TENM2: variants seen among roughly 807,000 people sequenced by gnomAD.
TENM2 encodes the protein teneurin transmembrane protein 2.
Under a neutral mutation model 245.2 loss-of-function variants are expected in TENM2, and 52 were observed. The ratio of observed to expected loss-of-function variants is 0.21; its 90% confidence interval spans 0.17 to 0.27. The LOEUF is 0.27. Ranked by LOEUF, TENM2 falls within the 10% of genes least tolerant of loss-of-function variation. TENM2 has a pLI of 1.00. For missense variants in TENM2, 3,046 were observed against 3,666.8 expected (o/e 0.83, Z 4.37); for synonymous variants, 1,363 against 1,438.9 (o/e 0.95, Z 1.19).
chr5:167,816,624 C>T (rs761308888), intron 2 of TENM2, among the ~76,000 whole-genome samples: 2 of 152,174 alleles, frequency 1.3e-5, no homozygotes, highest in Non-Finnish European at 2.9e-5. Flanking sequence ...AACTTCACCT[C>T]AGCAGTGTGT....
intron 2 of TENM2, among the ~76,000 whole-genome samples, chr5:167,424,017 T>C (rs6892920): frequency 0.15 from 22,394 of 152,184 alleles, 1,953 homozygotes; most frequent in Non-Finnish European, 0.2. Context: ...TGGTTATAAA[T>C]TGTCAACTGA....
intron 2 of TENM2, among the ~76,000 whole-genome samples, chr5:167,589,161 C>T (rs1775706043): frequency 1.4e-5 from 2 of 147,384 alleles, no homozygotes; most frequent in African/African-American, 5.0e-5. Flanking sequence ...GAGATTGTGC[C>T]ATTGCATGCC....
intron 2 of TENM2, among the ~76,000 whole-genome samples, chr5:167,448,441 A>G (rs147913536): frequency 3.1e-3 from 465 of 151,548 alleles, no homozygotes; most frequent in African/African-American, 9.2e-3. Flanking sequence ...GGGAGAACAT[A>G]GCTTTTATTT....
At chr5:168,030,520 G>T (rs1475031663) in intron 5 of TENM2, among the ~76,000 whole-genome samples, 2 of 152,152 alleles carry the variant, frequency 1.3e-5, no homozygotes, top group Admixed American at 6.5e-5. Context: ...GTATGGCCCA[G>T]TAATTTCCAT....
At chr5:167,344,303 C>T (rs1455850719) in intron 1 of TENM2, among the ~76,000 whole-genome samples, 2 of 113,286 alleles carry the variant, frequency 1.8e-5, no homozygotes, top group African/African-American at 3.6e-5. Context: ...CACACACACA[C>T]ACACACATAT....
At chr5:167,199,285 T>C in the TENM2 span, among the ~76,000 whole-genome samples, 121 of 152,066 alleles carry the variant, frequency 8.0e-4, no homozygotes, top group Non-Finnish European at 1.5e-3. Context: ...GTACTTTCAG[T>C]AGCACAGAGA....
chr5:167,242,807 A>G, the TENM2 span, among the ~76,000 whole-genome samples: 2 of 152,206 alleles, frequency 1.3e-5, no homozygotes, highest in African/African-American at 2.4e-5. Flanking sequence ...TGGGGATTCA[A>G]AAGTAATACA....
intron 1 of TENM2, among the ~76,000 whole-genome samples, chr5:167,351,609 A>T (rs184631378): frequency 1.3e-5 from 2 of 152,202 alleles, no homozygotes; most frequent in Non-Finnish European, 2.9e-5. Flanking sequence ...AAAGCAGAAC[A>T]TATAGAGGTG....
intron 14 of TENM2, among the ~76,000 whole-genome samples, chr5:168,193,427 C>A (rs762396299): frequency 3.3e-5 from 5 of 152,054 alleles, no homozygotes; most frequent in Non-Finnish European, 4.4e-5. Context: ...CTAGATAATG[C>A]GATAATTGTT....
rs192457274 is a variant in TENM2, at chr5:167,818,886, C to T, written c.503-57100C>T. Among the ~76,000 whole-genome samples, 193 of 152,224 alleles carry T rather than the reference C, an allele frequency of 1.3e-3. 2 individuals are homozygous for T. Among genetic ancestry groups the T allele is most frequent in the African/African-American group, 4.0e-3 (165 of 41,558 alleles). On this transcript the variant is annotated intron_variant, in intron 2 of 28. Coordinates refer to ENST00000518659, the Ensembl canonical transcript of TENM2. ...TTCAAGCTGAGAGCACAGTTGTTTC[C>T]AGATGTGGCCAGGGCCTCCTTAAAG...
At chr5:167,146,475 A>G in the TENM2 span, among the ~76,000 whole-genome samples, 2 of 152,174 alleles carry the variant, frequency 1.3e-5, no homozygotes, top group South Asian at 2.1e-4. Context: ...AACAGTGTTC[A>G]TTCTGAGCCT....
At chr5:167,506,073 G>C (rs1038028228) in intron 2 of TENM2, among the ~76,000 whole-genome samples, 3 of 152,128 alleles carry the variant, frequency 2.0e-5, no homozygotes, top group Non-Finnish European at 4.4e-5. Flanking sequence ...GAATTAACCA[G>C]GAAGGAAATG....
chr5:167,499,940 G>A (rs1005356823), intron 2 of TENM2, among the ~76,000 whole-genome samples: 2 of 149,610 alleles, frequency 1.3e-5, no homozygotes, highest in African/African-American at 2.5e-5. Flanking sequence ...GTGTATGTGA[G>A]GGTGTGTGTG....
At chr5:167,962,909 T>C (rs553868946) in intron 4 of TENM2, among the ~76,000 whole-genome samples, 4 of 152,300 alleles carry the variant, frequency 2.6e-5, no homozygotes, top group African/African-American at 4.8e-5. Flanking sequence ...AACCGCATTG[T>C]TATTAGTTCA....
chr5:168,053,081 A>G (rs983186737), intron 6 of TENM2, among the ~76,000 whole-genome samples: 1 of 152,144 alleles, frequency 6.6e-6, no homozygotes, highest in Non-Finnish European at 1.5e-5. Flanking sequence ...GGGCTTTTCC[A>G]AAGTCGGTGA....
At chr5:167,913,913 G>A (rs1191390909) in intron 3 of TENM2, among the ~76,000 whole-genome samples, 5 of 152,240 alleles carry the variant, frequency 3.3e-5, no homozygotes, top group Non-Finnish European at 5.9e-5. Context: ...AGGTTGTTGC[G>A]AGGATTAGAA....
At chr5:168,191,313 A>G (rs562647513) in intron 14 of TENM2, among the ~76,000 whole-genome samples, 1 of 152,224 alleles carries the variant, frequency 6.6e-6, no homozygotes, top group Admixed American at 6.5e-5. Context: ...CCACCACCCC[A>G]TCCCCTCCTC....
intron 2 of TENM2, among the ~76,000 whole-genome samples, chr5:167,769,947 C>T (rs1763294476): frequency 6.6e-6 from 1 of 152,136 alleles, no homozygotes; most frequent in Admixed American, 6.5e-5. Context: ...TTGTTGTTCA[C>T]TAAATTCACA....
intron 2 of TENM2, among the ~76,000 whole-genome samples, chr5:167,482,197 C>A (rs1767797366): frequency 6.6e-6 from 1 of 152,154 alleles, no homozygotes; most frequent in Admixed American, 6.5e-5. Context: ...ATAAACCCTG[C>A]TAACATGTTA....
Sources: allele counts gnomAD v4.1 joint callset (sites outside exome capture counted in the v4.1 genomes callset), GRCh38; gene constraint gnomAD v4.1.1; transcripts MANE v1.5; gene names NCBI Gene and HGNC (gene_info 2026-07-23, HGNC 2026-07-21).